Variants in MMP13 observed in about 807,000 individuals in gnomAD.
MMP13 encodes collagenase 3.
In MMP13, 45 loss-of-function variants were observed where a neutral mutation model predicts 52.1. That is an observed-to-expected ratio of 0.86 (90% confidence interval 0.68 to 1.11). The LOEUF (loss-of-function observed/expected upper bound fraction) is 1.11, where lower values mean the gene tolerates loss of function less well. Ranked by LOEUF, MMP13 falls within the 50% of genes least tolerant of loss-of-function variation. The probability of loss-of-function intolerance (pLI) is 0.00; values close to 1 mark genes in which losing one functional copy is unlikely to be tolerated. For missense variants in MMP13, 576 were observed against 583.8 expected (o/e 0.99, Z 0.14); for synonymous variants, 200 against 204.4 (o/e 0.98, Z 0.18).
At position 102,943,495 on chromosome 11, in the gene MMP13, A is replaced by AT. The variant is rs1483862185; in HGVS notation, c.*770dup. On this transcript the variant is annotated 3_prime_UTR_variant, in exon 10 of 10. Transcript: ENST00000260302. ...ATGGCCTTAGACTATTTTGATAACA[A>AT]TTTTAACTTTGTAATGTGTGACTTC... The AT allele has an allele frequency of 1.3e-5, 2 of 152,202 alleles. No homozygotes were observed. Among genetic ancestry groups the AT allele is most frequent in the Middle Eastern group, 6.3e-3 (2 of 316 alleles). 9.4% of individuals were successfully genotyped at this position (152,202 alleles called of 1,614,324 possible). A position where few individuals can be genotyped will look rare whatever the true frequency, so the allele number is the denominator to read the frequency against.
intron 9 of MMP13, among the ~76,000 whole-genome samples, chr11:102,944,857 G>C (rs1254605250): frequency 1.4e-5 from 2 of 144,024 alleles, no homozygotes; most frequent in Admixed American, 7.4e-5. Flanking sequence ...CTGACCTCAA[G>C]TGATCCGCCC....
chr11:102,944,315 C>T lies in MMP13; in HGVS notation c.1367G>A (p.Ser456Asn), dbSNP rs782476333. Reference protein sequence around the residue: ...GPIQFEYSIWSNRIVRVMPAN... With the variant: ...GPIQFEYSIWNNRIVRVMPAN... ...TGGCATGACGCGAACAATACGGTTA[C>T]TCCAGATGCTGTATTCAAACTGTAT... The change falls in exon 10 of 10, where the codon AGT becomes AAT. Residue 456 changes from serine (S) to asparagine (N), a missense_variant. Ser to Asn is a conservative substitution (Grantham distance 46, BLOSUM62 1). Transcript: ENST00000260302. 1.2e-6 allele frequency: 2 copies of T among 1,613,184 alleles called. No individual in the cohort carries two copies. Among genetic ancestry groups the T allele is most frequent in the African/African-American group, 2.7e-5 (2 of 74,866 alleles).
chr11:102,953,769 C>A (rs552912839), intron 4 of MMP13, among the ~76,000 whole-genome samples: 63 of 152,166 alleles, frequency 4.1e-4, no homozygotes, highest in Middle Eastern at 3.2e-3. Flanking sequence ...CAATTCACAT[C>A]TAATTCATGT....
In MMP13 at chr11:102,950,146, G is replaced by A; in HGVS notation, c.881C>T (p.Thr294Ile). The change falls in exon 6 of 10, where the codon ACC becomes ATC. Residue 294 changes from threonine (T) to isoleucine (I), a missense_variant. Coordinates refer to ENST00000260302, the MANE Select transcript of MMP13 (RefSeq NM_002427.4). ...GATCATTGTTTCTCCTCGGAGACTG[G>A]TAATGGCATCAAGGGATAAGGAAGG... is the stretch of plus-strand genomic sequence containing the variant. ...CDPSLSLDAI[T>I]SLRGETMIFK... 3 of 1,613,616 alleles carry A rather than the reference G, an allele frequency of 1.9e-6. No homozygotes were observed. Among genetic ancestry groups the A allele is most frequent in the Non-Finnish European group, 1.7e-6 (2 of 1,179,580 alleles).
Position 102,945,282 on chromosome 11 carries a change from A to G in MMP13, c.1315+364T>C, listed in dbSNP as rs925659328. The G allele has an allele frequency of 9.1e-6, 9 of 987,554 alleles. No homozygotes were observed. The African/African-American group carries it at 1.6e-4, about 17-fold the overall frequency. 61.2% of individuals were successfully genotyped at this position (987,554 alleles called of 1,614,324 possible). ...GGTTGAGAACATAATTAAAGTAAAA[A>G]GTCACTATATAGTTAAGGTAGTTAT... On this transcript the variant is annotated intron_variant, in intron 9 of 9. Transcript: ENST00000260302.
chr11:102,954,133 G>A, intron 4 of MMP13, 23 bp downstream of exon 4: 8 of 1,612,292 alleles, frequency 5.0e-6, no homozygotes, highest in Non-Finnish European at 5.9e-6. Context: ...ACACATAAAT[G>A]ATATCTTTAT....
intron 5 of MMP13, 130 bp from the exon 6 acceptor site, chr11:102,950,357 G>A (rs756660783): frequency 6.2e-6 from 5 of 800,968 alleles, no homozygotes; most frequent in East Asian, 2.4e-5. Context: ...TAGGTCCTGG[G>A]GCTCCTACAT....
rs1860658023 is a variant in MMP13, at chr11:102,954,255, C to T, written c.538G>A (p.Gly180Arg). 6.2e-7 allele frequency: 1 copy of T among 1,613,464 alleles called. No homozygotes were observed. The highest frequency in any genetic ancestry group is 1.7e-5 in the Admixed American group (1 of 59,930). Residue 180 changes from glycine to arginine, a missense_variant, in exon 4 of 10, where the codon GGG becomes AGG. Coordinates refer to ENST00000260302, the MANE Select transcript of MMP13 (RefSeq NM_002427.4). ...GCATGAGCCAGCAGGCCAGAGGGCCCATCAAATGGGTAGAAGTCGCCATGC... is the reference window on the plus strand; with the variant it reads ...GCATGAGCCAGCAGGCCAGAGGGCCTATCAAATGGGTAGAAGTCGCCATGC... ...KEHGDFYPFD[G>R]PSGLLAHAFP...
In MMP13 at chr11:102,955,260, TA is replaced by T; in HGVS notation, c.353del (p.Leu118Ter). 6.2e-7 allele frequency: 1 copy of T among 1,613,876 alleles called. No homozygotes were observed. The highest frequency in any genetic ancestry group is 8.5e-7 in the Non-Finnish European group (1 of 1,179,832). On this transcript the variant is annotated frameshift_variant, in exon 2 of 10. Transcript: ENST00000260302. LOFTEE classifies it high-confidence loss of function. This position sits in a 1 kb window ranked among gnomAD's most constrained non-coding sequence, Gnocchi z 4.9. Reference sequence around the variant, plus strand: ...GATAGCCTATGATTTACCTGTAGGTTAAATTCATTTTGGACCATTTAAGAGT... The same window carrying T: ...GATAGCCTATGATTTACCTGTAGGTTAATTCATTTTGGACCATTTAAGAGT... ...PRTLKWSKMN[L>X]TYRIVNYTPD...
intron 7 of MMP13, among the ~76,000 whole-genome samples, chr11:102,948,710 C>T (rs1555016953): frequency 6.6e-6 from 1 of 151,908 alleles, no homozygotes. Flanking sequence ...ATATTTTTTC[C>T]ACTTTTTCAG....
chr11:102,954,399 T>A (rs1436978455), intron 3 of MMP13, 59 bp downstream of exon 3: 2 of 1,595,880 alleles, frequency 1.3e-6, no homozygotes, highest in Non-Finnish European at 1.7e-6. Flanking sequence ...TAAATAATTT[T>A]AAAATGGAAC....
rs1386117133 is a variant in MMP13, at chr11:102,954,592, G to A, written c.377C>T (p.Thr126Ile). 4.3e-6 allele frequency: 7 copies of A among 1,613,408 alleles called. No individual in the cohort carries two copies. The South Asian group carries it at 7.7e-5, about 18-fold the overall frequency. ...GACTTCAGAATGAGTCATATCAGGG[G>A]TGTAATTCACAATTCTATTTAACAG... Reference protein sequence around the residue: ...MNLTYRIVNYTPDMTHSEVEK... With the variant: ...MNLTYRIVNYIPDMTHSEVEK... Residue 126 changes from threonine (T) to isoleucine (I), a missense_variant, in exon 3 of 10, where the codon ACC becomes ATC. Coordinates refer to ENST00000260302, the MANE Select transcript of MMP13 (RefSeq NM_002427.4).
chr11:102,950,659 C>G (rs1591156874), intron 5 of MMP13, among the ~76,000 whole-genome samples: 1 of 152,138 alleles, frequency 6.6e-6, no homozygotes, highest in Non-Finnish European at 1.5e-5. Flanking sequence ...TCAACATCAG[C>G]TAATGTTGCT....
At position 102,949,164 on chromosome 11, in the gene MMP13, A is replaced by G. The variant is rs782588636; in HGVS notation, c.918-6T>C. On this transcript the variant is annotated splice_polypyrimidine_tract_variant and splice_region_variant and intron_variant, in intron 6 of 9. Transcript: ENST00000260302. This position sits in a 1 kb window ranked among gnomAD's most constrained non-coding sequence, Gnocchi z 4.2. ...GATGCAGGCGCCAGAAGAATCTAAC[A>G]CAAAAGTAAAATGGAGTTTTCTGTC... is the stretch of plus-strand genomic sequence containing the variant. 6 of 1,613,220 alleles carry G rather than the reference A, an allele frequency of 3.7e-6. No individual in the cohort carries two copies. Among genetic ancestry groups the G allele is most frequent in the East Asian group, 4.5e-5 (2 of 44,894 alleles).
At chr11:102,945,551 A>G (rs1860490450) in intron 9 of MMP13, 95 bp downstream of exon 9, 1 of 799,750 alleles carries the variant, frequency 1.3e-6, no homozygotes, top group Non-Finnish European at 2.1e-6. Flanking sequence ...ATTTATTAAC[A>G]CATCTAGGTC....
rs781904671 is a variant in MMP13 at position 102,943,251 on chromosome 11, A to AG, written c.*1014_*1015insC. The AG allele has an allele frequency of 6.6e-6, 1 of 150,948 alleles. No homozygotes were observed. Among genetic ancestry groups the AG allele is most frequent in the Non-Finnish European group, 1.5e-5 (1 of 67,740 alleles). 9.4% of individuals were successfully genotyped at this position (150,948 alleles called of 1,614,324 possible). On this transcript the variant is annotated 3_prime_UTR_variant, in exon 10 of 10. Coordinates refer to ENST00000260302, the MANE Select transcript of MMP13 (RefSeq NM_002427.4). ...ATCCTTCCATATCTCAAGGGATCAC[A>AG]ATCTAGTAGACTGCTTTAAAAAAAA...
intron 8 of MMP13, 35 bp from the exon 9 acceptor site, chr11:102,945,784 A>G (rs782304020): frequency 9.1e-7 from 1 of 1,094,258 alleles, no homozygotes; most frequent in East Asian, 2.4e-5. Flanking sequence ...AGTCAGTTAT[A>G]TTTCTTAGAA....
In MMP13 at chr11:102,945,763, A is replaced by T. The variant is rs554838961; in HGVS notation, c.1212-14T>A. On this transcript the variant is annotated splice_polypyrimidine_tract_variant and intron_variant, in intron 8 of 9. Coordinates refer to ENST00000260302, the MANE Select transcript of MMP13 (RefSeq NM_002427.4). ...GTATCATCATATCTATTTAAAGAAA[A>T]AAAACTCCTAAGTCAGTTATATTTC... 3.5e-4 allele frequency: 471 copies of T among 1,332,464 alleles called. 7 individuals carry two copies. In the South Asian group the frequency reaches 5.4e-3, roughly 15 times the overall value. The allele number at this position is 1,332,464 out of a possible 1,614,324, so 82.5% of individuals were successfully genotyped here.
Position 102,952,155 on chromosome 11 carries a change from A to G in MMP13, c.656T>C (p.Val219Ala), listed in dbSNP as rs1336004455. 1.2e-6 allele frequency: 2 copies of G among 1,613,018 alleles called. No homozygotes were observed. The highest frequency in any genetic ancestry group is 2.7e-5 in the African/African-American group (2 of 74,846). Residue 219 changes from valine to alanine, a missense_variant, in exon 5 of 10, where the codon GTT becomes GCT. Coordinates refer to ENST00000260302, the MANE Select transcript of MMP13 (RefSeq NM_002427.4). The surrounding 1 kb of genome is among the most constrained non-coding windows in gnomAD (Gnocchi z 4.3). ...SSSKGYNLFLVAAHEFGHSLG... is the reference protein window; with the variant it reads ...SSSKGYNLFLAAAHEFGHSLG... The stretch of plus-strand genomic sequence containing the variant: ...GGAGTGGCCGAACTCATGCGCAGCA[A>G]CAAGAAACAAGTTGTAGCCTGTAAG...
Sources: gnomAD v4.1 joint callset for allele counts (sites outside exome capture counted in the v4.1 genomes callset) on GRCh38, gnomAD v4.1.1 for gene constraint, Gnocchi (gnomAD v3.1) non-coding constraint, MANE v1.5 for transcripts, NCBI Gene and HGNC (gene_info 2026-07-23, HGNC 2026-07-21) for gene names.